Variants in ADGRV1 observed in about 807,000 individuals in gnomAD.
ADGRV1 encodes the protein adhesion G protein-coupled receptor V1.
ADGRV1 carries 359 observed loss-of-function variants against 596.2 expected under a neutral mutation model. The observed-to-expected ratio is 0.60, with a 90% CI of 0.55 to 0.66. The LOEUF (loss-of-function observed/expected upper bound fraction) is 0.66. ADGRV1 is among the 30% of genes least tolerant of loss of function. The probability of loss-of-function intolerance (pLI) is 0.00; values close to 1 mark genes in which losing one functional copy is unlikely to be tolerated. For synonymous variants in ADGRV1, 2,681 were observed against 2,679.2 expected (o/e 1.00, Z -0.02); for missense variants, 7,274 against 7,575.6 (o/e 0.96, Z 1.48).
intron 52 of ADGRV1, among the ~76,000 whole-genome samples, chr5:90,747,285 C>T (rs1001970209): frequency 2.0e-5 from 3 of 152,124 alleles, no homozygotes; most frequent in Admixed American, 6.6e-5. Context: ...TGGCTGATGT[C>T]TGCATGTGAT....
intron 85 of ADGRV1, among the ~76,000 whole-genome samples, chr5:91,047,396 T>C (rs1056080421): frequency 6.6e-6 from 1 of 152,166 alleles, no homozygotes; most frequent in Non-Finnish European, 1.5e-5. Flanking sequence ...ATAGGCTGTA[T>C]GCAAGCTGAG....
At chr5:90,734,126 C>T in intron 50 of ADGRV1, among the ~76,000 whole-genome samples, 1 of 152,098 alleles carries the variant, frequency 6.6e-6, no homozygotes, top group East Asian at 1.9e-4. Flanking sequence ...GAATAGTATT[C>T]CATCGCGTAT....
chr5:91,071,483 G>A (rs1489242332), intron 85 of ADGRV1, among the ~76,000 whole-genome samples: 1 of 152,026 alleles, frequency 6.6e-6, no homozygotes, highest in Non-Finnish European at 1.5e-5. Flanking sequence ...CCTATAGCAT[G>A]ACCATATGTC....
In ADGRV1 at chr5:90,681,435, A is replaced by G; in HGVS notation, c.5645A>G (p.Tyr1882Cys). The G allele has an allele frequency of 1.9e-6, 3 of 1,611,996 alleles. No individual in the cohort carries two copies. The highest frequency in any genetic ancestry group is 1.7e-6 in the Non-Finnish European group (2 of 1,179,256). Residue 1882 changes from tyrosine (Y) to cysteine (C), a missense_variant, in exon 27 of 90, where the codon TAT becomes TGT. This residue lies in a region of ADGRV1 where 3,643 missense variants were observed against 3,809.2 expected (regional missense o/e 0.96). Transcript: ENST00000405460. ...AGTGGAACTGAACCAGAAGATGGGT[A>G]TAGCACTGTTACATTAAATGTGAGT... ...FVSGTEPEDG[Y>C]STVTLNVIRH...
intron 1 of ADGRV1, among the ~76,000 whole-genome samples, chr5:90,607,517 G>A (rs1337255488): frequency 6.6e-6 from 1 of 152,126 alleles, no homozygotes; most frequent in Non-Finnish European, 1.5e-5. Flanking sequence ...GTGACCATAT[G>A]ATGATCGAAT....
chr5:91,038,794 A>T (rs1785108138), intron 85 of ADGRV1, among the ~76,000 whole-genome samples: 1 of 152,178 alleles, frequency 6.6e-6, no homozygotes, highest in Admixed American at 6.5e-5. Context: ...GGGAATTGAG[A>T]TGTCACACTC....
chr5:90,987,175 A>G (rs1268444401), intron 85 of ADGRV1, among the ~76,000 whole-genome samples: 1 of 152,156 alleles, frequency 6.6e-6, no homozygotes, highest in East Asian at 1.9e-4. Flanking sequence ...CCTGGTTTTA[A>G]TCTTAAAGAT....
In ADGRV1 at chr5:90,776,488, G is replaced by C. The variant is rs201517918; in HGVS notation, c.12439G>C (p.Ala4147Pro). ...AATAATTATTCGGGGTGATAAGCGA[G>C]CATCAGGAGAAGTTGGGATAGCTCC... ...ASIIIRGDKR[A>P]SGEVGIAPSS... Residue 4147 changes from alanine (A) to proline (P), a missense_variant, in exon 61 of 90, where the codon GCA becomes CCA. Ala to Pro is a conservative substitution (Grantham distance 27). Transcript: ENST00000405460. 1 of 1,613,252 alleles carries C rather than the reference G, an allele frequency of 6.2e-7. No individual in the cohort carries two copies. The highest frequency in any genetic ancestry group is 8.5e-7 in the Non-Finnish European group (1 of 1,179,456).
Position 90,694,232 on chromosome 5 carries a change from T to G in ADGRV1, c.7476T>G (p.Leu2492=), listed in dbSNP as rs148114314. The change falls in exon 33 of 90, where the codon CTT becomes CTG. Residue 2492 remains leucine, a synonymous_variant. Coordinates refer to ENST00000405460, the MANE Select transcript of ADGRV1 (RefSeq NM_032119.4). Reference sequence around the variant, plus strand: ...AAAACATGACCAGGGTAGCATCTCTTTTTAGTGGTCAGGCTGTGGCTGGGA... The same window carrying G: ...AAAACATGACCAGGGTAGCATCTCTGTTTAGTGGTCAGGCTGTGGCTGGGA... ...YRKNMTRVAS[L]FSGQAVAGSD... The G allele has an allele frequency of 6.2e-7, 1 of 1,613,896 alleles. No individual in the cohort carries two copies. Among genetic ancestry groups the G allele is most frequent in the East Asian group, 2.2e-5 (1 of 44,882 alleles).
chr5:90,898,972 A>G (rs1771581948), intron 83 of ADGRV1, among the ~76,000 whole-genome samples: 1 of 152,082 alleles, frequency 6.6e-6, no homozygotes, highest in Admixed American at 6.6e-5. Flanking sequence ...AATAAAATAA[A>G]TGCTAGAAAC....
chr5:90,562,960 A>G (rs1422706358), intron 1 of ADGRV1, among the ~76,000 whole-genome samples: 1 of 152,208 alleles, frequency 6.6e-6, no homozygotes, highest in South Asian at 2.1e-4. Flanking sequence ...CTTTGTTTAT[A>G]CTATACATTT....
chr5:91,066,523 T>C (rs1368119617), intron 85 of ADGRV1, among the ~76,000 whole-genome samples: 2 of 152,192 alleles, frequency 1.3e-5, no homozygotes, highest in African/African-American at 4.8e-5. Context: ...GCTCAGAAAA[T>C]AATACCTATC....
At chr5:90,722,586 C>T (rs773455515) in intron 45 of ADGRV1, among the ~76,000 whole-genome samples, 14 of 150,988 alleles carry the variant, frequency 9.3e-5, no homozygotes, top group Admixed American at 6.6e-4. Flanking sequence ...TGGTGGCGCA[C>T]GCCTATAATC....
At chr5:91,129,620 A>C (rs1464911690) in intron 87 of ADGRV1, among the ~76,000 whole-genome samples, 3 of 152,352 alleles carry the variant, frequency 2.0e-5, no homozygotes, top group African/African-American at 7.2e-5. Flanking sequence ...GAAATGGATT[A>C]GTTGTCTACA....
At chr5:90,795,846 C>T (rs1044233350) in intron 70 of ADGRV1, among the ~76,000 whole-genome samples, 7 of 152,168 alleles carry the variant, frequency 4.6e-5, no homozygotes, top group African/African-American at 1.7e-4. Flanking sequence ...CTGGTGATAT[C>T]CAGGCAAACA....
rs553936091 is a variant in ADGRV1, at chr5:90,680,312, G to A, written c.5524+683G>A. Among the ~76,000 whole-genome samples, 7 of 151,178 alleles carry A rather than the reference G, an allele frequency of 4.6e-5. No individual in the cohort carries two copies. In the East Asian group the frequency reaches 5.9e-4, roughly 13 times the overall value. The stretch of plus-strand genomic sequence containing the variant: ...CGGAGGTTGAGTGAACCAAGATTGC[G>A]TCACTGCACTCCAGACTGGGTGACA... On this transcript the variant is annotated intron_variant, in intron 26 of 89. Transcript: ENST00000405460.
At position 90,681,372 on chromosome 5, in the gene ADGRV1, A is replaced by C; in HGVS notation, c.5582A>C (p.His1861Pro). ...LVTIAASDHA[H>P]GVFEFSPESL... ...ACAATTGCAGCCTCTGACCACGCTC[A>C]TGGCGTATTTGAATTTAGCCCTGAG... The change falls in exon 27 of 90, where the codon CAT becomes CCT. Residue 1861 changes from histidine (H) to proline (P), a missense_variant. Physicochemically the swap from His to Pro is moderately conservative, Grantham distance 77. Transcript: ENST00000405460. 1.2e-6 allele frequency: 2 copies of C among 1,613,904 alleles called. No individual in the cohort carries two copies. Among genetic ancestry groups the C allele is most frequent in the Non-Finnish European group, 1.7e-6 (2 of 1,179,824 alleles).
In ADGRV1 at chr5:90,823,521, G is replaced by A. The variant is rs753004595; in HGVS notation, c.16293G>A (p.Gln5431=). ...KDGVNLVEEL[Q]SVSGTTTCTM... Reference sequence around the variant, plus strand: ...GGGTAAACCTGGTGGAGGAACTTCAGTCTGTGTCAGGGACCACAACCTGTA... The same window carrying A: ...GGGTAAACCTGGTGGAGGAACTTCAATCTGTGTCAGGGACCACAACCTGTA... Residue 5431 remains glutamine, a synonymous_variant, in exon 76 of 90, where the codon CAG becomes CAA. Transcript: ENST00000405460. 2 of 1,613,960 alleles carry A rather than the reference G, an allele frequency of 1.2e-6. No homozygotes were observed. Among genetic ancestry groups the A allele is most frequent in the Admixed American group, 1.7e-5 (1 of 60,024 alleles).
At chr5:90,603,768 C>T (rs1019276883) in intron 1 of ADGRV1, among the ~76,000 whole-genome samples, 18 of 151,624 alleles carry the variant, frequency 1.2e-4, no homozygotes, top group Admixed American at 6.6e-4. Context: ...TTCATGGCAT[C>T]TGTGTTAGGA....
Sources: allele counts gnomAD v4.1 joint callset (sites outside exome capture counted in the v4.1 genomes callset), GRCh38; gene constraint gnomAD v4.1.1; regional missense constraint gnomAD v4.1.1; transcripts MANE v1.5; gene names NCBI Gene and HGNC (gene_info 2026-07-23, HGNC 2026-07-21).